Variants in FUBP3 observed in about 807,000 individuals in gnomAD.
FUBP3 encodes far upstream element binding protein 3.
FUBP3 carries 28 observed loss-of-function variants against 85.6 expected under a neutral mutation model. The observed-to-expected ratio is 0.33, with a 90% CI of 0.24 to 0.45. The LOEUF (loss-of-function observed/expected upper bound fraction) is 0.45, where lower values mean the gene tolerates loss of function less well. FUBP3 is among the 20% of genes least tolerant of loss of function. The pLI, the probability that FUBP3 is intolerant of heterozygous loss-of-function variation, is 1.00. For synonymous variants in FUBP3, 271 were observed against 271.4 expected (o/e 1.00, Z 0.01); for missense variants, 583 against 755.1 (o/e 0.77, Z 2.67).
In FUBP3 at chr9:130,622,746, A is replaced by G; in HGVS notation, c.810A>G (p.Gly270=). ...VPRFAVGIVI[G]RNGEMIKKIQ... is the part of the protein sequence containing the mutation. ...GGTTTGCTGTGGGGATTGTAATAGG[A>G]AGAAACGGGGAAATGATCAAAAAGA... is the stretch of plus-strand genomic sequence containing the variant. Residue 270 remains glycine, a synonymous_variant, in exon 10 of 19, where the codon GGA becomes GGG. Coordinates refer to ENST00000319725, the MANE Select transcript of FUBP3 (RefSeq NM_003934.2). 1 of 1,602,992 alleles carries G rather than the reference A, an allele frequency of 6.2e-7. No homozygotes were observed.
intron 1 of FUBP3, among the ~76,000 whole-genome samples, chr9:130,584,339 T>G (rs1197271724): frequency 2.0e-5 from 3 of 148,456 alleles, no homozygotes; most frequent in African/African-American, 7.5e-5. Context: ...ACCAGCCTGG[T>G]CAACGTGGCA....
At chr9:130,634,615 C>G in intron 16 of FUBP3, 52 bp from the exon 17 acceptor site, 1 of 1,490,164 alleles carries the variant, frequency 6.7e-7, no homozygotes, top group Non-Finnish European at 9.3e-7. Flanking sequence ...GGGCTGGGGC[C>G]GAGGCTGTGA....
intron 2 of FUBP3, among the ~76,000 whole-genome samples, 163 bp from the exon 3 acceptor site, chr9:130,609,791 A>G (rs1057230454): frequency 6.6e-6 from 1 of 152,188 alleles, no homozygotes; most frequent in African/African-American, 2.4e-5. Flanking sequence ...CTCCTGTTTC[A>G]TATCATATAA....
intron 8 of FUBP3, among the ~76,000 whole-genome samples, chr9:130,618,141 C>T (rs937419703): frequency 6.6e-5 from 10 of 152,166 alleles, no homozygotes; most frequent in African/African-American, 1.9e-4. Flanking sequence ...TCATTTACAC[C>T]GGCCATATCT....
At chr9:130,594,005 C>G (rs903572433) in intron 1 of FUBP3, among the ~76,000 whole-genome samples, 3 of 151,124 alleles carry the variant, frequency 2.0e-5, no homozygotes, top group Admixed American at 6.6e-5. Context: ...ATCTCCCTTT[C>G]TCTGCTGCAG....
In FUBP3 at chr9:130,631,552, C is replaced by A. The variant is rs1037833091; in HGVS notation, c.1279-5C>A. 6.2e-7 allele frequency: 1 copy of A among 1,612,530 alleles called. No homozygotes were observed. On this transcript the variant is annotated splice_region_variant and splice_polypyrimidine_tract_variant and intron_variant, in intron 13 of 18. Coordinates refer to ENST00000319725, the MANE Select transcript of FUBP3 (RefSeq NM_003934.2). ...CGGGTGAGAGCTCCCTCTGTGCCCC[C>A]ACAGGGGACCAATCTCGGAGCACCT...
In FUBP3 at chr9:130,616,472, G is replaced by T; in HGVS notation, c.522G>T (p.Val174=). ...AGATTCTCATTCCCGCATCTAAAGT[G>T]GGTCTGGTCATCGGCAGAGGAGGGG... ...IQEILIPASK[V]GLVIGRGGET... Residue 174 remains valine (V), a synonymous_variant, in exon 7 of 19, where the codon GTG becomes GTT. Transcript: ENST00000319725. The surrounding 1 kb of genome is among the most constrained non-coding windows in gnomAD (Gnocchi z 4.7). 1 of 1,614,116 alleles carries T rather than the reference G, an allele frequency of 6.2e-7. No individual in the cohort carries two copies. Among genetic ancestry groups the T allele is most frequent in the Non-Finnish European group, 8.5e-7 (1 of 1,179,976 alleles).
intron 2 of FUBP3, among the ~76,000 whole-genome samples, chr9:130,605,202 C>T (rs965258089): frequency 1.3e-5 from 2 of 152,100 alleles, no homozygotes; most frequent in African/African-American, 4.8e-5. Flanking sequence ...GTGCAGGGCC[C>T]AACACGTCCC....
In FUBP3 at chr9:130,612,609, CTT is replaced by C. The variant is rs1831802237; in HGVS notation, c.274+105_274+106del. The C allele has an allele frequency of 5.2e-6, 4 of 773,994 alleles. No homozygotes were observed. The highest frequency in any genetic ancestry group is 9.1e-6 in the Non-Finnish European group (4 of 439,926). The allele number at this position is 773,994 out of a possible 1,614,324, so 47.9% of individuals were successfully genotyped here. ...GGATGTTCTTTTTGTTTTAATCTCT[CTT>C]GTGAGTATCACCTGTAGTAGAATGC... is the stretch of plus-strand genomic sequence containing the variant. On this transcript the variant is annotated intron_variant, in intron 4 of 18. Coordinates refer to ENST00000319725, the MANE Select transcript of FUBP3 (RefSeq NM_003934.2). The surrounding 1 kb of genome is among the most constrained non-coding windows in gnomAD (Gnocchi z 4.1).
intron 1 of FUBP3, among the ~76,000 whole-genome samples, chr9:130,587,279 G>A (rs1830395203): frequency 6.6e-6 from 1 of 151,982 alleles, no homozygotes; most frequent in Admixed American, 6.6e-5. Context: ...TGGCCATGAT[G>A]GTCTCAATCT....
intron 2 of FUBP3, among the ~76,000 whole-genome samples, chr9:130,605,180 C>T (rs1036139255): frequency 6.6e-6 from 1 of 152,134 alleles, no homozygotes; most frequent in Non-Finnish European, 1.5e-5. Flanking sequence ...CTCTTAGGCT[C>T]TTGAGGAGAA....
At chr9:130,618,346 A>G (rs570175647) in intron 8 of FUBP3, among the ~76,000 whole-genome samples, 1 of 152,152 alleles carries the variant, frequency 6.6e-6, no homozygotes, top group South Asian at 2.1e-4. Flanking sequence ...CTTGGCGTTT[A>G]CTTGCTCGTT....
chr9:130,592,486 T>TTTCC (rs1173441908), intron 1 of FUBP3, among the ~76,000 whole-genome samples: 2 of 152,150 alleles, frequency 1.3e-5, no homozygotes, highest in Non-Finnish European at 2.9e-5. Context: ...TAGACTATCT[T>TTTCC]TTCCTTCCTT....
intron 2 of FUBP3, among the ~76,000 whole-genome samples, chr9:130,603,566 G>T (rs779769752): frequency 1.3e-5 from 2 of 152,102 alleles, no homozygotes; most frequent in Non-Finnish European, 2.9e-5. Context: ...TTGGAAAAAG[G>T]CAGTGAGATT....
chr9:130,624,877 G>T (rs750160116), intron 11 of FUBP3, among the ~76,000 whole-genome samples: 6 of 152,144 alleles, frequency 3.9e-5, no homozygotes, highest in Non-Finnish European at 7.4e-5. Flanking sequence ...CCTGAGGTCA[G>T]GAGTTCGAGA....
chr9:130,619,112 G>T (rs902331028), intron 8 of FUBP3, among the ~76,000 whole-genome samples: 2 of 152,272 alleles, frequency 1.3e-5, no homozygotes, highest in East Asian at 1.9e-4. Flanking sequence ...GCCTGTGGGC[G>T]GCCACAGAGT....
rs564141176 is a variant in FUBP3 at position 130,579,821 on chromosome 9, G to A, written c.84+57G>A. 6.3e-4 allele frequency: 685 copies of A among 1,088,240 alleles called. 4 individuals are homozygous for A. In the Middle Eastern group the frequency reaches 7.0e-3, roughly 11 times the overall value. 67.4% of individuals were successfully genotyped at this position (1,088,240 alleles called of 1,614,324 possible). On this transcript the variant is annotated intron_variant, in intron 1 of 18. Transcript: ENST00000319725. ...GATCCCGAGGCGGGGCCTGGCGGGC[G>A]GGGAAGAGGGGTTCGGGCCTGGGGG...
chr9:130,593,160 G>T (rs1472057710), intron 1 of FUBP3, among the ~76,000 whole-genome samples: 2 of 152,076 alleles, frequency 1.3e-5, no homozygotes, highest in African/African-American at 4.8e-5. Context: ...CCTCACAATG[G>T]CCTGCCCATT....
intron 1 of FUBP3, among the ~76,000 whole-genome samples, chr9:130,592,343 A>G (rs556558967): frequency 6.6e-6 from 1 of 152,346 alleles, no homozygotes; most frequent in Admixed American, 6.5e-5. Context: ...TTTTTGAGTC[A>G]AGAGTCTCAC....
Sources: gnomAD v4.1 joint callset for allele counts (sites outside exome capture counted in the v4.1 genomes callset) on GRCh38, gnomAD v4.1.1 for gene constraint, Gnocchi (gnomAD v3.1) non-coding constraint, MANE v1.5 for transcripts, NCBI Gene and HGNC (gene_info 2026-07-23, HGNC 2026-07-21) for gene names.